The following NEK4 variants were observed in gnomAD, a reference collection of about 807,000 sequenced individuals.
The protein encoded by NEK4 is serine/threonine-protein kinase Nek4.
In NEK4, 86 loss-of-function variants were observed where a neutral mutation model predicts 98.4. That is an observed-to-expected ratio of 0.87 (90% CI 0.73 to 1.05). NEK4 has a LOEUF of 1.05. NEK4 is among the 50% of genes least tolerant of loss of function. The pLI, the probability that NEK4 is intolerant of heterozygous loss-of-function variation, is 0.00. For missense variants in NEK4, 898 were observed against 950.3 expected (o/e 0.94, Z 0.72); for synonymous variants, 328 against 342.2 (o/e 0.96, Z 0.46).
intron 15 of NEK4, among the ~76,000 whole-genome samples, chr3:52,717,363 CA>C (rs1444478927): frequency 6.7e-6 from 1 of 149,148 alleles, no homozygotes; most frequent in East Asian, 2.0e-4. Context: ...GCTGAGATCG[CA>C]CCTCTGCACT....
chr3:52,752,269 A>G lies in NEK4; in HGVS notation c.1031T>C (p.Leu344Pro), dbSNP rs1451639696. The change falls in exon 7 of 16, where the codon CTG (leucine) becomes CCG (proline). Residue 344 changes from leucine (L) to proline (P), a missense_variant. Leu to Pro is a moderately conservative substitution (Grantham distance 98). Transcript: ENST00000233027. The part of the protein sequence containing the change: ...ASGLLKSPAS[L>P]KAHTCKQDLS... The stretch of plus-strand genomic sequence containing the variant: ...GTCCTGTTTGCAGGTATGGGCTTTC[A>G]GACTGGCAGGTGACTTCAAGAGACC... 2 of 1,614,150 alleles carry G rather than the reference A, an allele frequency of 1.2e-6. No individual in the cohort carries two copies. Among genetic ancestry groups the G allele is most frequent in the Non-Finnish European group, 1.7e-6 (2 of 1,180,022 alleles).
chr3:52,737,536 T>C (rs1561300164), intron 15 of NEK4, 50 bp downstream of exon 15: 2 of 1,596,182 alleles, frequency 1.3e-6, no homozygotes, highest in Non-Finnish European at 8.6e-7. Flanking sequence ...AAAGGTTGTT[T>C]AAAAAATTCT....
intron 15 of NEK4, among the ~76,000 whole-genome samples, chr3:52,722,075 G>A (rs2097360602): frequency 6.6e-6 from 1 of 152,120 alleles, no homozygotes; most frequent in Non-Finnish European, 1.5e-5. Flanking sequence ...CCAATCGAAT[G>A]TTGCCTTTTC....
At chr3:52,757,555 CAAAA>C (rs541943769) in intron 6 of NEK4, among the ~76,000 whole-genome samples, 3 of 72,190 alleles carry the variant, frequency 4.2e-5, no homozygotes, top group Non-Finnish European at 6.4e-5. Flanking sequence ...GACTCCGTCT[CAAAA>C]AAAAAAAAAA....
In NEK4 at chr3:52,752,299, G is replaced by A. The variant is rs776208902; in HGVS notation, c.1001C>T (p.Ala334Val). 1 of 1,614,070 alleles carries A rather than the reference G, an allele frequency of 6.2e-7. No homozygotes were observed. The highest frequency in any genetic ancestry group is 2.2e-5 in the East Asian group (1 of 44,884). ...GKCLSQEKPR[A>V]SGLLKSPASL... ...GGCAGGTGACTTCAAGAGACCAGAG[G>A]CCCTGGGTTTCTCCTGGGACAAACA... The change falls in exon 7 of 16, where the codon GCC (alanine) becomes GTC (valine). Residue 334 changes from alanine (A) to valine (V), a missense_variant. Transcript: ENST00000233027.
intron 15 of NEK4, among the ~76,000 whole-genome samples, chr3:52,735,256 T>A (rs993836050): frequency 6.6e-6 from 1 of 152,262 alleles, no homozygotes; most frequent in Non-Finnish European, 1.5e-5. Flanking sequence ...TTCAAAAACA[T>A]CAGAGATGTC....
At chr3:52,747,752 C>G (rs902461110) in intron 8 of NEK4, among the ~76,000 whole-genome samples, 3 of 150,634 alleles carry the variant, frequency 2.0e-5, no homozygotes, top group Non-Finnish European at 4.4e-5. Flanking sequence ...CAAGACCAGT[C>G]TGAGCAACAG....
chr3:52,741,236 C>CAAAAA (rs35123782), intron 13 of NEK4, among the ~76,000 whole-genome samples, 175 bp downstream of exon 13: 98 of 59,062 alleles, frequency 1.7e-3, no homozygotes, highest in Non-Finnish European at 2.0e-3. Context: ...AACTCCGTCT[C>CAAAAA]AAAAAAAAAA....
At position 52,759,165 on chromosome 3, in the gene NEK4, G is replaced by A. The variant is rs187983395; in HGVS notation, c.963+1630C>T. Among the ~76,000 whole-genome samples, 370 of 150,406 alleles carry A rather than the reference G, an allele frequency of 2.5e-3. 4 individuals are homozygous for A. Among genetic ancestry groups the A allele is most frequent in the African/African-American group, 8.9e-3 (365 of 41,092 alleles). On this transcript the variant is annotated intron_variant, in intron 6 of 15. Transcript: ENST00000233027. The stretch of plus-strand genomic sequence containing the variant: ...TGCCTGTAATTCCAGCACTTTGTTT[G>A]GGAAGCCAAGGTGGGAGGACCTCCT...
intron 14 of NEK4, among the ~76,000 whole-genome samples, chr3:52,738,924 T>C (rs1171340051): frequency 6.6e-6 from 1 of 152,248 alleles, no homozygotes; most frequent in Non-Finnish European, 1.5e-5. Context: ...ATTTATCTAT[T>C]TATTTTTAAA....
chr3:52,733,865 C>A, intron 15 of NEK4: 1 of 313,364 alleles, frequency 3.2e-6, no homozygotes. Flanking sequence ...CTTACAGATG[C>A]AAAAATGTGG....
At chr3:52,753,081 C>G (rs1391914847) in intron 6 of NEK4, among the ~76,000 whole-genome samples, 1 of 151,428 alleles carries the variant, frequency 6.6e-6, no homozygotes, top group Non-Finnish European at 1.5e-5. Flanking sequence ...ATCATCCCAG[C>G]ACTTGAGCTC....
intron 10 of NEK4, among the ~76,000 whole-genome samples, chr3:52,744,950 C>G (rs928143481): frequency 2.0e-5 from 3 of 151,758 alleles, no homozygotes; most frequent in African/African-American, 7.3e-5. Context: ...CAGTCTCGCT[C>G]TGTAGCCCAG....
chr3:52,731,242 A>G (rs1578636558), intron 15 of NEK4, among the ~76,000 whole-genome samples: 2 of 152,352 alleles, frequency 1.3e-5, no homozygotes, highest in East Asian at 3.9e-4. Flanking sequence ...ACAACAACAA[A>G]ATTTACAAAC....
At chr3:52,766,891 C>A (rs2154107101) in intron 2 of NEK4, among the ~76,000 whole-genome samples, 1 of 152,030 alleles carries the variant, frequency 6.6e-6, no homozygotes, top group East Asian at 1.9e-4. Context: ...GACGCTGAGG[C>A]AGGAGAATGG....
intron 2 of NEK4, among the ~76,000 whole-genome samples, chr3:52,767,692 T>C (rs1698627399): frequency 6.8e-6 from 1 of 147,814 alleles, no homozygotes; most frequent in African/African-American, 2.5e-5. Flanking sequence ...CACTCCAGCC[T>C]AGATAACAAA....
At position 52,768,513 on chromosome 3, in the gene NEK4, T is replaced by C; in HGVS notation, c.185A>G (p.His62Arg). 3.7e-6 allele frequency: 6 copies of C among 1,614,264 alleles called. No homozygotes were observed. Among genetic ancestry groups the C allele is most frequent in the Admixed American group, 1.7e-5 (1 of 60,036 alleles). Reference protein sequence around the residue: ...QEAQLLSQLKHPNIVTYKESW... With the variant: ...QEAQLLSQLKRPNIVTYKESW... ...CTCCTTGTAGGTGACAATGTTGGGA[T>C]GCTTCAACTGAGACAAGAGCTGGGC... Residue 62 changes from histidine to arginine, a missense_variant, in exon 2 of 16, where the codon CAT becomes CGT. Coordinates refer to ENST00000233027, the MANE Select transcript of NEK4 (RefSeq NM_003157.6).
chr3:52,714,967 G>C (rs2097353789), intron 15 of NEK4, among the ~76,000 whole-genome samples: 1 of 152,222 alleles, frequency 6.6e-6, no homozygotes, highest in Admixed American at 6.5e-5. Flanking sequence ...AAGCTGAGGG[G>C]GAGTGGAGGG....
intron 15 of NEK4, among the ~76,000 whole-genome samples, chr3:52,727,520 G>A (rs1369681454): frequency 1.3e-5 from 2 of 152,226 alleles, no homozygotes; most frequent in Non-Finnish European, 2.9e-5. Context: ...GAGTCACCCA[G>A]GCTGGAGTGT....
Sources: allele counts gnomAD v4.1 joint callset (sites outside exome capture counted in the v4.1 genomes callset), GRCh38; gene constraint gnomAD v4.1.1; transcripts MANE v1.5; gene names NCBI Gene and HGNC (gene_info 2026-07-23, HGNC 2026-07-21).